The following GRM4 variants were observed in gnomAD, a reference collection of about 807,000 sequenced individuals.
GRM4 encodes glutamate metabotropic receptor 4.
Under a neutral mutation model 81.7 loss-of-function variants are expected in GRM4, and 28 were observed. The ratio of observed to expected loss-of-function variants is 0.34; its 90% CI spans 0.25 to 0.47. The LOEUF is 0.47. Among genes scored for constraint, GRM4 ranks in the 20% least tolerant of loss-of-function variants. The pLI, the probability that GRM4 is intolerant of heterozygous loss-of-function variation, is 1.00. For synonymous variants in GRM4, 488 were observed against 528.8 expected (o/e 0.92, Z 1.06); for missense variants, 948 against 1,290.0 (o/e 0.73, Z 4.06).
chr6:34,022,578 G>T lies in GRM4; in HGVS notation c.*243C>A. 1 of 569,162 alleles carries T rather than the reference G, an allele frequency of 1.8e-6. No individual in the cohort carries two copies. The highest frequency in any genetic ancestry group is 2.0e-5 in the South Asian group (1 of 49,578). The allele number at this position is 569,162 out of a possible 1,614,324, so 35.3% of individuals were successfully genotyped here. ...TGGTTTGGGGCCGGGAGGGGCAATG[G>T]TCCAAGACGCAGGTTCTTGTGGTAG... On this transcript the variant is annotated 3_prime_UTR_variant, in exon 11 of 11. Coordinates refer to ENST00000538487, the MANE Select transcript of GRM4 (RefSeq NM_000841.4). The surrounding 1 kb of genome is among the most constrained non-coding windows in gnomAD (Gnocchi z 5.6).
chr6:34,125,337 A>T, intron 2 of GRM4, among the ~76,000 whole-genome samples: 1 of 151,784 alleles, frequency 6.6e-6, no homozygotes, highest in East Asian at 1.9e-4. Flanking sequence ...AACCCCCCAT[A>T]CCTCAGGGTT....
Position 34,035,327 on chromosome 6 carries a change from AG to A in GRM4, c.2442+340del, listed in dbSNP as rs201315724. 1.1e-3 allele frequency among the ~76,000 whole-genome samples: 134 copies of A among 121,946 alleles called. 2 individuals are homozygous for A. In the East Asian group the frequency reaches 0.026, roughly 24 times the overall value. 80.0% of individuals were successfully genotyped at this position (121,946 alleles called of 152,430 possible). A position where few individuals can be genotyped will look rare whatever the true frequency, so the allele number is the denominator to read the frequency against. Reference sequence around the variant, plus strand: ...AAAGAGGAGGAGGGGGAAGGAGAACAGGGGGAGGATGGAAAGAGGGAGTAAA... The same window carrying A: ...AAAGAGGAGGAGGGGGAAGGAGAACAGGGGAGGATGGAAAGAGGGAGTAAA... On this transcript the variant is annotated intron_variant, in intron 9 of 10. Coordinates refer to ENST00000538487, the MANE Select transcript of GRM4 (RefSeq NM_000841.4). This position sits in a 1 kb window ranked among gnomAD's most constrained non-coding sequence, Gnocchi z 6.6.
chr6:34,085,209 T>C (rs954082732), intron 3 of GRM4, among the ~76,000 whole-genome samples: 3 of 152,122 alleles, frequency 2.0e-5, no homozygotes, highest in East Asian at 1.9e-4. Flanking sequence ...GAAATAAATC[T>C]AGGAAGTCCC....
At chr6:34,044,505 TAC>T (rs145283448) in intron 6 of GRM4, among the ~76,000 whole-genome samples, 8 of 101,274 alleles carry the variant, frequency 7.9e-5, no homozygotes, top group South Asian at 3.2e-4. Flanking sequence ...CATACACACA[TAC>T]ACACACAGAC....
Position 34,136,975 on chromosome 6 carries a change from C to G in GRM4, c.-363-3116G>C, listed in dbSNP as rs753279862. Among the ~76,000 whole-genome samples, 2 of 152,172 alleles carry G rather than the reference C, an allele frequency of 1.3e-5. No homozygotes were observed. Among genetic ancestry groups the G allele is most frequent in the Non-Finnish European group, 2.9e-5 (2 of 68,022 alleles). On this transcript the variant is annotated intron_variant, in intron 1 of 10. Coordinates refer to ENST00000538487, the MANE Select transcript of GRM4 (RefSeq NM_000841.4). This position sits in a 1 kb window ranked among gnomAD's most constrained non-coding sequence, Gnocchi z 4.1. The stretch of plus-strand genomic sequence containing the variant: ...TGGGGGCCAGGCGGATGCTCCCTTC[C>G]CCCGCAGGGCCTGCTTCCTTCTGCA...
chr6:34,057,105 C>A (rs552105568), intron 5 of GRM4, among the ~76,000 whole-genome samples: 2 of 152,300 alleles, frequency 1.3e-5, no homozygotes, highest in African/African-American at 4.8e-5. Flanking sequence ...ACCCAGATCA[C>A]ACAGCAAGAC....
At position 34,133,324 on chromosome 6, in the gene GRM4, T is replaced by C. The variant is rs146834171; in HGVS notation, c.173A>G (p.His58Arg). ...GGGCTTGCCCTCTGAGCCCCGGCCA[T>C]GCACCGGGAACAGGCCTCCCAGTGT... ...DITLGGLFPV[H>R]GRGSEGKPCG... Residue 58 changes from histidine to arginine, a missense_variant, in exon 2 of 11, where the codon CAT (histidine) becomes CGT (arginine). By Grantham distance (29) the His-to-Arg change is conservative. Coordinates refer to ENST00000538487, the MANE Select transcript of GRM4 (RefSeq NM_000841.4). This position sits in a 1 kb window ranked among gnomAD's most constrained non-coding sequence, Gnocchi z 6.5. The C allele has an allele frequency of 3.1e-6, 5 of 1,613,928 alleles. No individual in the cohort carries two copies. The African/African-American group carries it at 4.0e-5, about 13-fold the overall frequency.
chr6:34,134,231 G>T (rs1364004518), intron 1 of GRM4, among the ~76,000 whole-genome samples: 2 of 152,162 alleles, frequency 1.3e-5, no homozygotes, highest in Admixed American at 6.5e-5. Context: ...TCCCATTACA[G>T]AGATGAGGAA....
At chr6:34,107,103 C>A (rs1769162784) in intron 2 of GRM4, among the ~76,000 whole-genome samples, 1 of 152,216 alleles carries the variant, frequency 6.6e-6, no homozygotes, top group African/African-American at 2.4e-5. Context: ...AGCACTCAGG[C>A]TGCAGGGGGT....
rs1769577678 is a variant in GRM4, at chr6:34,115,854, GCCAGACTGTGACCT to G, written c.519+17110_519+17123del. Among the ~76,000 whole-genome samples, 1 of 152,208 alleles carries G rather than the reference GCCAGACTGTGACCT, an allele frequency of 6.6e-6. No homozygotes were observed. The highest frequency in any genetic ancestry group is 2.4e-5 in the African/African-American group (1 of 41,444). On this transcript the variant is annotated intron_variant, in intron 2 of 10. Coordinates refer to ENST00000538487, the MANE Select transcript of GRM4 (RefSeq NM_000841.4). This position sits in a 1 kb window ranked among gnomAD's most constrained non-coding sequence, Gnocchi z 4.1. Reference sequence around the variant, plus strand: ...CACTCAGAGAATGCAAATGACAGTGGCCAGACTGTGACCTCCATGGACGGTCAATCAATGGAAAG... The same window carrying G: ...CACTCAGAGAATGCAAATGACAGTGGCCATGGACGGTCAATCAATGGAAAG...
chr6:34,116,688 C>T (rs184858025), intron 2 of GRM4, among the ~76,000 whole-genome samples: 2 of 152,282 alleles, frequency 1.3e-5, no homozygotes, highest in African/African-American at 2.4e-5. Context: ...CGAGCGTTTA[C>T]ATCCACTAAA....
chr6:34,113,652 G>T (rs931847308), intron 2 of GRM4, among the ~76,000 whole-genome samples: 2 of 152,158 alleles, frequency 1.3e-5, no homozygotes, highest in African/African-American at 4.8e-5. Context: ...GTCTCCTCAG[G>T]GGCTTTCTGT....
intron 3 of GRM4, among the ~76,000 whole-genome samples, chr6:34,081,305 G>A (rs182680491): frequency 2.3e-4 from 35 of 152,330 alleles, no homozygotes; most frequent in Admixed American, 1.0e-3. Flanking sequence ...GGCTGGGGCC[G>A]GGGAGCAGCA....
At chr6:34,153,140 G>T (rs1274913477) in intron 1 of GRM4, among the ~76,000 whole-genome samples, 1 of 152,078 alleles carries the variant, frequency 6.6e-6, no homozygotes, top group Admixed American at 6.5e-5. Context: ...GACAAGAAGG[G>T]ACCTTGGCAG....
intron 1 of GRM4, 82 bp downstream of exon 1, chr6:34,145,917 TC>T: frequency 1.2e-6 from 1 of 806,130 alleles, no homozygotes; most frequent in Non-Finnish European, 1.5e-6. Context: ...TGCTGGCAGC[TC>T]CCCCTTCCAC....
At chr6:34,082,753 A>G (rs1767671263) in intron 3 of GRM4, among the ~76,000 whole-genome samples, 1 of 152,226 alleles carries the variant, frequency 6.6e-6, no homozygotes, top group East Asian at 1.9e-4. Flanking sequence ...TAACCTCACA[A>G]CAAGCTGTAA....
At chr6:34,099,621 C>A (rs1370289649) in intron 2 of GRM4, among the ~76,000 whole-genome samples, 1 of 152,158 alleles carries the variant, frequency 6.6e-6, no homozygotes, top group Non-Finnish European at 1.5e-5. Context: ...CTGATGCGCA[C>A]CGCTGGGTTC....
chr6:34,077,393 C>T (rs1258135810), intron 3 of GRM4, among the ~76,000 whole-genome samples: 5 of 152,072 alleles, frequency 3.3e-5, no homozygotes, highest in African/African-American at 9.7e-5. Flanking sequence ...AGCCAGCTGA[C>T]CCCTCAGGCC....
intron 1 of GRM4, among the ~76,000 whole-genome samples, chr6:34,142,847 C>T (rs1352557141): frequency 6.6e-6 from 1 of 152,196 alleles, no homozygotes; most frequent in African/African-American, 2.4e-5. Context: ...GAGCGGCCTA[C>T]GCAAGGCCAC....
Sources: allele counts gnomAD v4.1 joint callset (sites outside exome capture counted in the v4.1 genomes callset), GRCh38; gene constraint gnomAD v4.1.1; non-coding constraint Gnocchi (gnomAD v3.1); transcripts MANE v1.5; gene names NCBI Gene and HGNC (gene_info 2026-07-23, HGNC 2026-07-21).